Variants in ADAMTS9 observed in about 807,000 individuals in gnomAD.
ADAMTS9 encodes A disintegrin and metalloproteinase with thrombospondin motifs 9.
ADAMTS9 carries 107 observed loss-of-function variants against 257.1 expected under a neutral mutation model. The ratio of observed to expected loss-of-function variants is 0.42; its 90% confidence interval spans 0.36 to 0.49. The LOEUF is 0.49. Among genes scored for constraint, ADAMTS9 ranks in the 20% least tolerant of loss-of-function variants. The pLI, the probability that ADAMTS9 is intolerant of heterozygous loss-of-function variation, is 0.03. For missense variants in ADAMTS9, 2,353 were observed against 2,469.1 expected, an observed-to-expected ratio of 0.95 and a Z score of 1.00; for synonymous variants, 982 against 880.9, an observed-to-expected ratio of 1.11 and a Z score of -2.03.
chr3:64,633,933 T>C, intron 12 of ADAMTS9, 54 bp from the exon 13 acceptor site: 4 of 1,457,556 alleles, frequency 2.7e-6, no homozygotes, highest in Non-Finnish European at 3.8e-6. Flanking sequence ...TGTATTCCTC[T>C]GAACATCACT....
chr3:64,654,644 C>T (rs1376949382), intron 6 of ADAMTS9, 32 bp from the exon 7 acceptor site: 2 of 1,611,846 alleles, frequency 1.2e-6, no homozygotes, highest in Non-Finnish European at 1.7e-6. Flanking sequence ...GCCTTGATGA[C>T]ATCAAAGAGT....
intron 16 of ADAMTS9, 100 bp downstream of exon 16, chr3:64,631,355 C>A (rs1700362949): frequency 1.1e-6 from 1 of 935,440 alleles, no homozygotes; most frequent in Non-Finnish European, 1.7e-6. Context: ...TCCATGACAT[C>A]TGAAAGCTCT....
rs902372821 is a variant in ADAMTS9, at chr3:64,601,957, C to T, written c.4004G>A (p.Gly1335Asp). Reference sequence around the variant, plus strand: ...GGGAATACTCACTGCTCCCCAGGGGCCAGTTCTCCACTGGTTTCCACCGAG... The same window carrying T: ...GGGAATACTCACTGCTCCCCAGGGGTCAGTTCTCCACTGGTTTCCACCGAG... ...HVLGGNQWRT[G>D]PWGACSSTCA... is the part of the protein sequence containing the mutation. Residue 1335 changes from glycine to aspartate, a missense_variant, in exon 26 of 40, where the codon GGC (glycine) becomes GAC (aspartate). This residue lies in a region of ADAMTS9 where 1,402 missense variants were observed against 1,441.4 expected (regional missense o/e 0.97). Transcript: ENST00000498707. The T allele has an allele frequency of 1.9e-6, 3 of 1,606,640 alleles. No individual in the cohort carries two copies. The highest frequency in any genetic ancestry group is 2.6e-6 in the Non-Finnish European group (3 of 1,175,720).
intron 3 of ADAMTS9, among the ~76,000 whole-genome samples, chr3:64,669,366 C>A (rs2107009068): frequency 6.6e-6 from 1 of 152,224 alleles, no homozygotes; most frequent in Non-Finnish European, 1.5e-5. Flanking sequence ...TTCCAGGCAC[C>A]ATCTGCAGCT....
At chr3:64,594,465 T>G (rs753119018) in intron 27 of ADAMTS9, 31 bp from the exon 28 acceptor site, 3 of 1,598,510 alleles carry the variant, frequency 1.9e-6, no homozygotes, top group Non-Finnish European at 2.6e-6. Flanking sequence ...GCTGCAGTTA[T>G]TTTGTCTGAA....
chr3:64,646,026 GT>G (rs1700777623), intron 11 of ADAMTS9, among the ~76,000 whole-genome samples: 1 of 152,142 alleles, frequency 6.6e-6, no homozygotes, highest in African/African-American at 2.4e-5. Context: ...GTTCATGACA[GT>G]TTTACTAAAT....
At chr3:64,545,700 A>G (rs1166190064) in intron 32 of ADAMTS9, among the ~76,000 whole-genome samples, 1 of 152,254 alleles carries the variant, frequency 6.6e-6, no homozygotes, top group Non-Finnish European at 1.5e-5. Context: ...TGGCACATGT[A>G]TACATATGTA....
intron 28 of ADAMTS9, among the ~76,000 whole-genome samples, chr3:64,570,202 G>C (rs1329719374): frequency 6.6e-6 from 1 of 152,188 alleles, no homozygotes; most frequent in Non-Finnish European, 1.5e-5. Flanking sequence ...CAAAGTACTA[G>C]AAATGTAGCG....
chr3:64,616,548 T>C (rs889733965), intron 19 of ADAMTS9, among the ~76,000 whole-genome samples: 21 of 152,186 alleles, frequency 1.4e-4, no homozygotes, highest in Admixed American at 1.4e-3. Flanking sequence ...CTATATTTTA[T>C]ACAATTCAAT....
At position 64,596,865 on chromosome 3, in the gene ADAMTS9, G is replaced by A. The variant is rs2084376263; in HGVS notation, c.4144C>T (p.Pro1382Ser). ...PDEQRACESG[P>S]CPQWAYGNWG... ...TTGCCATAAGCCCACTGAGGACAAG[G>A]GCCGGATTCACAGGCTCTTTGCTCA... Residue 1382 changes from proline (P) to serine (S), a missense_variant, in exon 27 of 40, where the codon CCT (proline) becomes TCT (serine). Physicochemically the swap from Pro to Ser is moderately conservative, Grantham distance 74. Around this residue, in one of 3 missense-constraint regions of ADAMTS9, gnomAD observed 1,402 missense variants for 1,441.4 expected, o/e 0.97. Coordinates refer to ENST00000498707, the MANE Select transcript of ADAMTS9 (RefSeq NM_182920.2). 3 of 1,613,922 alleles carry A rather than the reference G, an allele frequency of 1.9e-6. No individual in the cohort carries two copies. Among genetic ancestry groups the A allele is most frequent in the Middle Eastern group, 1.7e-4 (1 of 6,060 alleles).
At chr3:64,671,797 A>G (rs1040198510) in intron 3 of ADAMTS9, among the ~76,000 whole-genome samples, 3 of 152,214 alleles carry the variant, frequency 2.0e-5, no homozygotes, top group Non-Finnish European at 4.4e-5. Context: ...TTTCAGTTGC[A>G]CAGAACATCC....
chr3:64,663,846 G>A (rs1701283362), intron 3 of ADAMTS9, among the ~76,000 whole-genome samples: 1 of 152,074 alleles, frequency 6.6e-6, no homozygotes, highest in Non-Finnish European at 1.5e-5. Flanking sequence ...TAATGAGTTA[G>A]AATGATATTT....
At chr3:64,525,369 C>G (rs1457280244) in intron 38 of ADAMTS9, among the ~76,000 whole-genome samples, 4 of 152,096 alleles carry the variant, frequency 2.6e-5, no homozygotes, top group African/African-American at 9.7e-5. Context: ...CACCCCTCCA[C>G]CCTCTGCGCC....
At chr3:64,549,596 C>T (rs919940815) in intron 31 of ADAMTS9, among the ~76,000 whole-genome samples, 1 of 152,148 alleles carries the variant, frequency 6.6e-6, no homozygotes, top group East Asian at 1.9e-4. Flanking sequence ...TCAGGGCATA[C>T]CGAGAAGATG....
Position 64,686,475 on chromosome 3 carries a change from A to C in ADAMTS9, c.516+93T>G. 1.4e-6 allele frequency: 2 copies of C among 1,432,950 alleles called. No individual in the cohort carries two copies. The highest frequency in any genetic ancestry group is 1.9e-6 in the Non-Finnish European group (2 of 1,079,358). The allele number at this position is 1,432,950 out of a possible 1,614,324, so 88.8% of individuals were successfully genotyped here. On this transcript the variant is annotated intron_variant, in intron 2 of 39. Transcript: ENST00000498707. The surrounding 1 kb of genome is among the most constrained non-coding windows in gnomAD (Gnocchi z 4.6). ...CGCCGGAGAGGAGCGGAGCCTCGCC[A>C]CAGTGAGGGTCTCTAGGCTTAGAGG...
In ADAMTS9 at chr3:64,516,160, C is replaced by T. The variant is rs1432461437; in HGVS notation, c.*967G>A. 6.6e-6 allele frequency: 1 copy of T among 152,320 alleles called. No homozygotes were observed. Among genetic ancestry groups the T allele is most frequent in the East Asian group, 1.9e-4 (1 of 5,174 alleles). The allele number at this position is 152,320 out of a possible 1,614,324, so 9.4% of individuals were successfully genotyped here. A position where few individuals can be genotyped will look rare whatever the true frequency, so the allele number is the denominator to read the frequency against. On this transcript the variant is annotated 3_prime_UTR_variant, in exon 40 of 40. Transcript: ENST00000498707. Reference sequence around the variant, plus strand: ...GAATTTCTCCAGGTGTGCTCGTGAGCTGAAGGTCATGCCCATTCTGTGCAT... The same window carrying T: ...GAATTTCTCCAGGTGTGCTCGTGAGTTGAAGGTCATGCCCATTCTGTGCAT...
intron 28 of ADAMTS9, among the ~76,000 whole-genome samples, chr3:64,570,772 G>A (rs2083664922): frequency 6.6e-6 from 1 of 151,320 alleles, no homozygotes; most frequent in Non-Finnish European, 1.5e-5. Flanking sequence ...GGGTGGAGAG[G>A]AAAGGGCAGT....
chr3:64,611,232 T>C (rs1000397235), intron 22 of ADAMTS9, among the ~76,000 whole-genome samples: 1 of 151,794 alleles, frequency 6.6e-6, no homozygotes, highest in Non-Finnish European at 1.5e-5. Context: ...TAGCCAAAGG[T>C]AGAAACAACC....
rs73832379 is a variant in ADAMTS9, at chr3:64,684,363, A to C, written c.516+2205T>G. 5.9e-3 allele frequency among the ~76,000 whole-genome samples: 899 copies of C among 152,248 alleles called. 10 individuals are homozygous for C. Among genetic ancestry groups the C allele is most frequent in the African/African-American group, 0.021 (859 of 41,540 alleles). ...GGGCGACCCATCTCAGATGAAATTC[A>C]GAAAAACTGACAACTGACTAGGGGT... is the stretch of plus-strand genomic sequence containing the variant. On this transcript the variant is annotated intron_variant, in intron 2 of 39. Transcript: ENST00000498707.
Sources: gnomAD v4.1 joint callset for allele counts (sites outside exome capture counted in the v4.1 genomes callset) on GRCh38, gnomAD v4.1.1 for gene constraint, gnomAD v4.1.1 regional missense constraint, Gnocchi (gnomAD v3.1) non-coding constraint, MANE v1.5 for transcripts, NCBI Gene and HGNC (gene_info 2026-07-23, HGNC 2026-07-21) for gene names.